Variants in ERCC6 observed in about 807,000 individuals in gnomAD.
The protein encoded by ERCC6 is ERCC excision repair 6, chromatin remodeling factor, also known as DNA excision repair protein ERCC-6.
Under a neutral mutation model 158.7 loss-of-function variants are expected in ERCC6, and 116 were observed. That is an observed-to-expected ratio of 0.73 (90% CI 0.63 to 0.85). ERCC6 has a LOEUF of 0.85. Ranked by LOEUF, ERCC6 falls within the 40% of genes least tolerant of loss-of-function variation. The pLI, the probability that ERCC6 is intolerant of heterozygous loss-of-function variation, is 0.00. For synonymous variants in ERCC6, 678 were observed against 659.3 expected (o/e 1.03, Z -0.43); for missense variants, 1,698 against 1,799.4 (o/e 0.94, Z 1.02).
At position 49,522,241 on chromosome 10, in the gene ERCC6, G is replaced by A. The variant is rs535242154; in HGVS notation, c.1397+1792C>T. ...ATTACCATTTCAATTAGTCTACAAAGATCAGCAATGAGTAACAAAATATAG... is the reference window on the plus strand; with the variant it reads ...ATTACCATTTCAATTAGTCTACAAAAATCAGCAATGAGTAACAAAATATAG... On this transcript the variant is annotated intron_variant, in intron 5 of 20. Transcript: ENST00000355832. Among the ~76,000 whole-genome samples the A allele has an allele frequency of 2.0e-5, 3 of 152,306 alleles. No individual in the cohort carries two copies. In the East Asian group the frequency reaches 5.8e-4, roughly 29 times the overall value.
chr10:49,476,775 C>T (rs1459290463), intron 11 of ERCC6, among the ~76,000 whole-genome samples: 1 of 152,144 alleles, frequency 6.6e-6, no homozygotes, highest in Non-Finnish European at 1.5e-5. Context: ...CCCTCCCAGC[C>T]CACTGCACCA....
intron 16 of ERCC6, among the ~76,000 whole-genome samples, chr10:49,472,039 C>A (rs4253203): frequency 6.6e-6 from 1 of 152,192 alleles, no homozygotes; most frequent in Admixed American, 6.5e-5. Context: ...TGGTAACATT[C>A]AACCTTGTCA....
In ERCC6 at chr10:49,516,999, T is replaced by A; in HGVS notation, c.1397+7034A>T. The A allele has an allele frequency of 6.2e-7, 1 of 1,613,996 alleles. No individual in the cohort carries two copies. The highest frequency in any genetic ancestry group is 8.5e-7 in the Non-Finnish European group (1 of 1,179,880). ...ACCTTCTTCATCTCCTGATTCCTCA[T>A]CAGAAACAGGTGCTGTAGCATTTTC... On this transcript the variant is annotated intron_variant, in intron 5 of 20. Coordinates refer to ENST00000355832, the MANE Select transcript of ERCC6 (RefSeq NM_000124.4).
intron 3 of ERCC6, among the ~76,000 whole-genome samples, chr10:49,530,113 A>C (rs1484581232): frequency 6.6e-6 from 1 of 152,090 alleles, no homozygotes; most frequent in Non-Finnish European, 1.5e-5. Context: ...TAAGCAGAAA[A>C]GAGTTCACAG....
intron 7 of ERCC6, among the ~76,000 whole-genome samples, chr10:49,498,080 T>C (rs1408330557): frequency 2.6e-5 from 4 of 152,224 alleles, no homozygotes; most frequent in African/African-American, 9.7e-5. Context: ...GTATCCATTA[T>C]GAAGGGGAAC....
chr10:49,531,940 C>T (rs1298372964), intron 2 of ERCC6, among the ~76,000 whole-genome samples: 2 of 152,208 alleles, frequency 1.3e-5, no homozygotes, highest in Admixed American at 6.5e-5. Context: ...ACCTCCTACC[C>T]TTGCTCAGGT....
intron 2 of ERCC6, among the ~76,000 whole-genome samples, chr10:49,532,231 G>C (rs939403556): frequency 1.3e-5 from 2 of 152,158 alleles, no homozygotes; most frequent in Non-Finnish European, 2.9e-5. Context: ...GGAAACACCT[G>C]AATTTAGGTG....
chr10:49,446,782 T>G, the ERCC6 span, among the ~76,000 whole-genome samples: 1 of 152,160 alleles, frequency 6.6e-6, no homozygotes, highest in Non-Finnish European at 1.5e-5. Flanking sequence ...CCACTGCACT[T>G]CAACCTGGGC....
intron 5 of ERCC6, among the ~76,000 whole-genome samples, chr10:49,523,721 T>A (rs535655402): frequency 6.6e-6 from 1 of 152,260 alleles, no homozygotes; most frequent in East Asian, 1.9e-4. Flanking sequence ...AGGGTGACTG[T>A]CGGTATAAAG....
At position 49,470,891 on chromosome 10, in the gene ERCC6, T is replaced by C; in HGVS notation, c.3071-2A>G. ...GTGTCTGAACATCTGATCCAGTTCC[T>C]GTAAAGAGGAAAAACACCACTAATA... On this transcript the variant is annotated splice_acceptor_variant, in intron 17 of 20. Coordinates refer to ENST00000355832, the MANE Select transcript of ERCC6 (RefSeq NM_000124.4). LOFTEE classifies it high-confidence loss of function. 2 of 1,613,816 alleles carry C rather than the reference T, an allele frequency of 1.2e-6. No individual in the cohort carries two copies. Among genetic ancestry groups the C allele is most frequent in the Non-Finnish European group, 1.7e-6 (2 of 1,179,814 alleles).
intron 8 of ERCC6, among the ~76,000 whole-genome samples, chr10:49,486,543 G>A (rs558569794): frequency 4.3e-4 from 66 of 152,264 alleles, no homozygotes; most frequent in African/African-American, 1.6e-3. Flanking sequence ...CAAAATAACA[G>A]ACTGAGATGT....
chr10:49,487,052 T>C (rs1464510222), intron 8 of ERCC6, among the ~76,000 whole-genome samples: 3 of 152,236 alleles, frequency 2.0e-5, no homozygotes, highest in Non-Finnish European at 4.4e-5. Context: ...AATCATCTAA[T>C]ACAAATTTTA....
chr10:49,443,767 A>G, the ERCC6 span, among the ~76,000 whole-genome samples: 12 of 152,250 alleles, frequency 7.9e-5, no homozygotes, highest in African/African-American at 2.9e-4. Flanking sequence ...TACAGCAATC[A>G]GTACAGTCAC....
intron 5 of ERCC6, among the ~76,000 whole-genome samples, chr10:49,509,412 A>G (rs966971722): frequency 1.3e-5 from 2 of 152,200 alleles, no homozygotes; most frequent in Non-Finnish European, 2.9e-5. Flanking sequence ...ACTCTGTTTA[A>G]CAGAACTACC....
At position 49,524,605 on chromosome 10, in the gene ERCC6, C is replaced by A. The variant is rs775850810; in HGVS notation, c.825G>T (p.Leu275Phe). 1 of 1,614,182 alleles carries A rather than the reference C, an allele frequency of 6.2e-7. No individual in the cohort carries two copies. The highest frequency in any genetic ancestry group is 8.5e-7 in the Non-Finnish European group (1 of 1,180,032). ...CAAAAGACAGTTTTGCTTGATCTGC[C>A]AAATACTTTTCGAAGCCTGATGCTT... ...LNEASGFEKYLADQAKLSFER... is the reference protein window; with the variant it reads ...LNEASGFEKYFADQAKLSFER... Residue 275 changes from leucine (L) to phenylalanine (F), a missense_variant, in exon 5 of 21, where the codon TTG becomes TTT. Transcript: ENST00000355832.
chr10:49,521,056 T>A (rs1382326080), intron 5 of ERCC6, among the ~76,000 whole-genome samples: 3 of 152,178 alleles, frequency 2.0e-5, no homozygotes, highest in Non-Finnish European at 2.9e-5. Flanking sequence ...CCTTCACACT[T>A]GGTTAGGTCC....
intron 5 of ERCC6, chr10:49,515,352 A>G: frequency 6.2e-7 from 1 of 1,611,626 alleles, no homozygotes; most frequent in Non-Finnish European, 8.5e-7. Flanking sequence ...GTGATATTCA[A>G]CGGAACACTT....
chr10:49,495,640 C>A (rs1851254603), intron 7 of ERCC6, among the ~76,000 whole-genome samples: 1 of 152,156 alleles, frequency 6.6e-6, no homozygotes, highest in Non-Finnish European at 1.5e-5. Flanking sequence ...TCCCCTGTCC[C>A]CGTGCTTCCA....
rs148355291 is a variant in ERCC6 at position 49,479,076 on chromosome 10, G to A, written c.2170-606C>T. Among the ~76,000 whole-genome samples the A allele has an allele frequency of 1.8e-3, 268 of 151,660 alleles. 1 individual carries two copies. The highest frequency in any genetic ancestry group is 6.1e-3 in the African/African-American group (253 of 41,306). ...ATGCAGCATATGGTTCTGTAATGGA[G>A]CACGGCCACATGAGATGAGTACTAA... On this transcript the variant is annotated intron_variant, in intron 10 of 20. Coordinates refer to ENST00000355832, the MANE Select transcript of ERCC6 (RefSeq NM_000124.4).
Sources: allele counts gnomAD v4.1 joint callset (sites outside exome capture counted in the v4.1 genomes callset), GRCh38; gene constraint gnomAD v4.1.1; transcripts MANE v1.5; gene names NCBI Gene and HGNC (gene_info 2026-07-23, HGNC 2026-07-21).